NECTIN4: variants seen among roughly 807,000 people sequenced by gnomAD.
NECTIN4 encodes nectin-4.
A neutral mutation model predicts 51.7 loss-of-function variants in NECTIN4; 19 were observed. The ratio of observed to expected loss-of-function variants is 0.37; its 90% confidence interval spans 0.26 to 0.54. NECTIN4 has a LOEUF of 0.54. NECTIN4 is among the 20% of genes least tolerant of loss of function. NECTIN4 has a pLI of 0.86. For missense variants in NECTIN4, 619 were observed against 662.4 expected (o/e 0.93, Z 0.72); for synonymous variants, 283 against 286.9 (o/e 0.99, Z 0.14).
In NECTIN4 at chr1:161,079,863, C is replaced by G. The variant is rs540825819; in HGVS notation, c.166G>C (p.Gly56Arg). 5 of 1,613,950 alleles carry G rather than the reference C, an allele frequency of 3.1e-6. No individual in the cohort carries two copies. The highest frequency in any genetic ancestry group is 4.2e-6 in the Non-Finnish European group (5 of 1,180,036). ...QDAKLPCFYR[G>R]DSGEQVGQVA... ...TGCCCCACTTGCTCGCCGGAGTCCC[C>G]TCGGTAGAAGCAGGGCAGTTTTGCG... The change falls in exon 2 of 9, where the codon GGG becomes CGG. Residue 56 changes from glycine (G) to arginine (R), a missense_variant. By Grantham distance (125) the Gly-to-Arg change is moderately radical. Transcript: ENST00000368012.
At chr1:161,082,250 C>T (rs1179401902) in intron 1 of NECTIN4, among the ~76,000 whole-genome samples, 1 of 152,042 alleles carries the variant, frequency 6.6e-6, no homozygotes, top group African/African-American at 2.4e-5. Context: ...AACTGGTGAA[C>T]CCAGGAGGTG....
At position 161,089,508 on chromosome 1, in the gene NECTIN4, G is replaced by A. The variant is rs547118034; in HGVS notation, c.-212C>T. On this transcript the variant is annotated 5_prime_UTR_variant, in exon 1 of 9. Transcript: ENST00000368012. The surrounding 1 kb of genome is among the most constrained non-coding windows in gnomAD (Gnocchi z 4.1). The stretch of plus-strand genomic sequence containing the variant: ...TACCCCCAAGAAGCCGTGATCGGGA[G>A]CTCCGAGCTCCCCCAGAGCTGCTTC... The A allele has an allele frequency of 1.6e-3, 965 of 594,796 alleles. 17 individuals carry two copies. The highest frequency in any genetic ancestry group is 0.013 in the South Asian group (660 of 51,966). 36.8% of individuals were successfully genotyped at this position (594,796 alleles called of 1,614,324 possible).
intron 4 of NECTIN4, 26 bp downstream of exon 4, chr1:161,076,329 G>T: frequency 6.2e-7 from 1 of 1,613,762 alleles, no homozygotes; most frequent in Non-Finnish European, 8.5e-7. Context: ...TCTCAAGTTA[G>T]GCCTTCCTCA....
At chr1:161,073,555 C>T (rs1653279351) in intron 7 of NECTIN4, among the ~76,000 whole-genome samples, 165 bp downstream of exon 7, 2 of 152,240 alleles carry the variant, frequency 1.3e-5, no homozygotes, top group African/African-American at 4.8e-5. Flanking sequence ...CCCTAGCAGA[C>T]CCAAAGCAGC....
At chr1:161,087,464 A>G (rs957153286) in intron 1 of NECTIN4, 1 of 151,124 alleles carries the variant, frequency 6.6e-6, no homozygotes, top group Non-Finnish European at 1.5e-5. Context: ...GAAAGGCAAG[A>G]ACCATGTGAT....
At chr1:161,079,133 G>A (rs1213372099) in intron 2 of NECTIN4, among the ~76,000 whole-genome samples, 3 of 152,202 alleles carry the variant, frequency 2.0e-5, no homozygotes, top group Non-Finnish European at 4.4e-5. Flanking sequence ...TCACATTCAG[G>A]ACCCACATTG....
chr1:161,081,334 G>C (rs1653667845), intron 1 of NECTIN4, among the ~76,000 whole-genome samples: 1 of 151,980 alleles, frequency 6.6e-6, no homozygotes, highest in Non-Finnish European at 1.5e-5. Flanking sequence ...CTGCAGCCTG[G>C]GTGCAGTAGT....
chr1:161,085,180 C>T (rs1653882215), intron 1 of NECTIN4, among the ~76,000 whole-genome samples: 1 of 151,986 alleles, frequency 6.6e-6, no homozygotes, highest in African/African-American at 2.4e-5. Flanking sequence ...AGCCCCCCAG[C>T]TTAGTGAGAG....
chr1:161,081,036 G>T (rs1653657470), intron 1 of NECTIN4, among the ~76,000 whole-genome samples: 1 of 152,178 alleles, frequency 6.6e-6, no homozygotes, highest in Non-Finnish European at 1.5e-5. Context: ...AGGGAGAGAG[G>T]CCTAGAAAGG....
Position 161,072,561 on chromosome 1 carries a change from TC to T in NECTIN4, c.*99del. 1 of 980,908 alleles carries T rather than the reference TC, an allele frequency of 1.0e-6. No homozygotes were observed. The highest frequency in any genetic ancestry group is 1.6e-6 in the Non-Finnish European group (1 of 611,236). 60.8% of individuals were successfully genotyped at this position (980,908 alleles called of 1,614,324 possible). ...GCAGTCAGTGGGATGGGGAGCATCT[TC>T]CGCAAGAAATGGGGGTGTTTAAGGA... On this transcript the variant is annotated 3_prime_UTR_variant, in exon 9 of 9. Coordinates refer to ENST00000368012, the MANE Select transcript of NECTIN4 (RefSeq NM_030916.3).
rs762152788 is a variant in NECTIN4, at chr1:161,073,451, C to G, written c.1234-152G>C. ...CCTGGAAACAAACATCCTCATTTCC[C>G]CACTGCGACCACAAACCCACCCTGG... On this transcript the variant is annotated intron_variant, in intron 7 of 8. Coordinates refer to ENST00000368012, the MANE Select transcript of NECTIN4 (RefSeq NM_030916.3). 2.6e-5 allele frequency: 19 copies of G among 739,062 alleles called. No individual in the cohort carries two copies. The South Asian group carries it at 2.6e-4, about 10-fold the overall frequency. The allele number at this position is 739,062 out of a possible 1,614,324, so 45.8% of individuals were successfully genotyped here.
At chr1:161,088,302 T>C (rs1444561954) in intron 1 of NECTIN4, among the ~76,000 whole-genome samples, 1 of 152,226 alleles carries the variant, frequency 6.6e-6, no homozygotes, top group East Asian at 1.9e-4. Flanking sequence ...GATCAGGCCC[T>C]ATCTTTTGAA....
intron 3 of NECTIN4, 48 bp from the exon 4 acceptor site, chr1:161,076,523 C>T: frequency 2.5e-6 from 4 of 1,610,428 alleles, no homozygotes; most frequent in Non-Finnish European, 3.4e-6. Context: ...TGCCTTTGAT[C>T]ATGTGGTACC....
chr1:161,073,587 C>T (rs529411515), intron 7 of NECTIN4, 133 bp downstream of exon 7: 26 of 902,572 alleles, frequency 2.9e-5, no homozygotes, highest in East Asian at 1.9e-4. Context: ...AACTCTACCC[C>T]GGCCAACCCC....
In NECTIN4 at chr1:161,076,401, T is replaced by C; in HGVS notation, c.805A>G (p.Lys269Glu). The C allele has an allele frequency of 6.2e-7, 1 of 1,614,202 alleles. No individual in the cohort carries two copies. The highest frequency in any genetic ancestry group is 1.1e-5 in the South Asian group (1 of 91,084). Residue 269 changes from lysine to glutamate, a missense_variant, in exon 4 of 9, where the codon AAG becomes GAG. Lys to Glu is a moderately conservative substitution (Grantham distance 56). Around this residue, in one of 3 missense-constraint regions of NECTIN4, gnomAD observed 364 missense variants for 415.7 expected, o/e 0.88. Coordinates refer to ENST00000368012, the MANE Select transcript of NECTIN4 (RefSeq NM_030916.3). The part of the protein sequence containing the change: ...WHIGREGAML[K>E]CLSEGQPPPS... Reference sequence around the variant, plus strand: ...GGGGGCTGCCCTTCACTCAGGCACTTGAGCATAGCTCCTTCTCTGCCAATG... The same window carrying C: ...GGGGGCTGCCCTTCACTCAGGCACTCGAGCATAGCTCCTTCTCTGCCAATG...
At chr1:161,079,452 G>A in intron 2 of NECTIN4, 138 bp downstream of exon 2, 1 of 1,167,940 alleles carries the variant, frequency 8.6e-7, no homozygotes. Flanking sequence ...ATAGCTAGCT[G>A]GATGAAGCTC....
chr1:161,078,229 C>T (rs150159739), intron 2 of NECTIN4, among the ~76,000 whole-genome samples: 366 of 152,104 alleles, frequency 2.4e-3, no homozygotes, highest in African/African-American at 8.5e-3. Context: ...ATTTTTACTC[C>T]AAGGCTGATG....
chr1:161,077,317 C>G (rs1483271575), intron 3 of NECTIN4, 136 bp downstream of exon 3: 1 of 885,942 alleles, frequency 1.1e-6, no homozygotes, highest in South Asian at 1.3e-5. Context: ...CACATTTGGA[C>G]TAGTGCTCTG....
intron 5 of NECTIN4, 115 bp downstream of exon 5, chr1:161,074,496 C>T: frequency 1.9e-6 from 3 of 1,573,704 alleles, no homozygotes; most frequent in Non-Finnish European, 2.6e-6. Flanking sequence ...AGACACACAG[C>T]CCAGCCCCCT....
Sources: allele counts gnomAD v4.1 joint callset (sites outside exome capture counted in the v4.1 genomes callset), GRCh38; gene constraint gnomAD v4.1.1; regional missense constraint gnomAD v4.1.1; non-coding constraint Gnocchi (gnomAD v3.1); transcripts MANE v1.5; gene names NCBI Gene and HGNC (gene_info 2026-07-23, HGNC 2026-07-21).